PARD3B: variants seen among roughly 807,000 people sequenced by gnomAD.
PARD3B encodes the protein partitioning defective 3 homolog B.
Under a neutral mutation model 130.2 loss-of-function variants are expected in PARD3B, and 103 were observed. That is an observed-to-expected ratio of 0.79 (90% CI 0.67 to 0.93). The LOEUF is 0.93. Among genes scored for constraint, PARD3B ranks in the 40% least tolerant of loss-of-function variants. The pLI is 0.00. For synonymous variants in PARD3B, 583 were observed against 553.2 expected (o/e 1.05, Z -0.76); for missense variants, 1,609 against 1,499.2 (o/e 1.07, Z -1.21).
rs182869048 is a variant in PARD3B, at chr2:204,664,741, G to C, written c.121-21440G>C. On this transcript the variant is annotated intron_variant, in intron 1 of 22. Coordinates refer to ENST00000406610, the MANE Select transcript of PARD3B (RefSeq NM_001302769.2). This position sits in a 1 kb window ranked among gnomAD's most constrained non-coding sequence, Gnocchi z 5.2. Reference sequence around the variant, plus strand: ...CTATATTTCCTGATAATAGTTTTCTGTAAGCTATGTGAATGTCAGAGAGCA... The same window carrying C: ...CTATATTTCCTGATAATAGTTTTCTCTAAGCTATGTGAATGTCAGAGAGCA... 6.6e-6 allele frequency among the ~76,000 whole-genome samples: 1 copy of C among 152,146 alleles called. No individual in the cohort carries two copies.
At chr2:204,918,062 T>A (rs1249050957) in intron 2 of PARD3B, among the ~76,000 whole-genome samples, 1 of 152,216 alleles carries the variant, frequency 6.6e-6, no homozygotes, top group Non-Finnish European at 1.5e-5. Flanking sequence ...ATATTCTTAT[T>A]AAGTTTTGAT....
At chr2:205,415,799 A>G (rs1315419210) in intron 19 of PARD3B, among the ~76,000 whole-genome samples, 1 of 152,174 alleles carries the variant, frequency 6.6e-6, no homozygotes, top group Non-Finnish European at 1.5e-5. Context: ...TTAAGTTCTC[A>G]AAGATATACT....
At chr2:205,033,975 T>A (rs1338958198) in intron 3 of PARD3B, among the ~76,000 whole-genome samples, 1 of 152,188 alleles carries the variant, frequency 6.6e-6, no homozygotes, top group Non-Finnish European at 1.5e-5. Flanking sequence ...TACCATTAAG[T>A]TGCAAGGCTG....
At chr2:205,046,182 A>G (rs1698763035) in intron 3 of PARD3B, among the ~76,000 whole-genome samples, 1 of 152,012 alleles carries the variant, frequency 6.6e-6, no homozygotes, top group African/African-American at 2.4e-5. Context: ...ACAGAAAAAG[A>G]TACTGGTATG....
intron 2 of PARD3B, among the ~76,000 whole-genome samples, chr2:204,946,430 A>C (rs1214889966): frequency 6.7e-6 from 1 of 150,322 alleles, no homozygotes; most frequent in Non-Finnish European, 1.5e-5. Flanking sequence ...TTTCTGTTTT[A>C]AATATATGAA....
At chr2:205,326,038 G>A (rs1391565421) in intron 18 of PARD3B, among the ~76,000 whole-genome samples, 1 of 152,104 alleles carries the variant, frequency 6.6e-6, no homozygotes, top group Non-Finnish European at 1.5e-5. Context: ...ATTTGCATGT[G>A]AAGTATACTG....
rs1310609932 is a variant in PARD3B at position 205,187,206 on chromosome 2, T to C, written c.2024+1343T>C. Among the ~76,000 whole-genome samples the C allele has an allele frequency of 6.6e-6, 1 of 152,048 alleles. No individual in the cohort carries two copies. Among genetic ancestry groups the C allele is most frequent in the African/African-American group, 2.4e-5 (1 of 41,386 alleles). ...TGAACCCTAACTCATGAATAGCAGG[T>C]GGACATGAGATGAGCCCAGGAAGAA... On this transcript the variant is annotated intron_variant, in intron 14 of 22. Transcript: ENST00000406610. The surrounding 1 kb of genome is among the most constrained non-coding windows in gnomAD (Gnocchi z 4.9).
intron 1 of PARD3B, among the ~76,000 whole-genome samples, chr2:204,558,401 AACAG>A (rs1484207405): frequency 2.6e-5 from 4 of 152,218 alleles, no homozygotes; most frequent in Non-Finnish European, 5.9e-5. Context: ...ATACACCAAT[AACAG>A]ACAAACAGCC....
intron 2 of PARD3B, among the ~76,000 whole-genome samples, chr2:204,909,844 A>G (rs2047170765): frequency 1.3e-5 from 2 of 152,196 alleles, no homozygotes; most frequent in African/African-American, 4.8e-5. Context: ...AATTAATACA[A>G]TATTTCCTTT....
intron 2 of PARD3B, among the ~76,000 whole-genome samples, chr2:204,859,398 A>G (rs2045094076): frequency 6.6e-6 from 1 of 152,168 alleles, no homozygotes; most frequent in Non-Finnish European, 1.5e-5. Flanking sequence ...ATGGTCTACA[A>G]AGCTAAAAGA....
chr2:205,378,602 G>A (rs917356291), intron 18 of PARD3B, among the ~76,000 whole-genome samples: 2 of 151,624 alleles, frequency 1.3e-5, no homozygotes, highest in African/African-American at 4.9e-5. Flanking sequence ...CCCAGGGCTG[G>A]AAGTTAGCAG....
chr2:205,186,533 A>C (rs543202998), intron 14 of PARD3B, among the ~76,000 whole-genome samples: 1 of 152,206 alleles, frequency 6.6e-6, no homozygotes, highest in South Asian at 2.1e-4. Context: ...GAAACTGTGT[A>C]TTTTATTCCA....
chr2:205,370,584 A>T (rs2044774904), intron 18 of PARD3B, among the ~76,000 whole-genome samples: 1 of 152,128 alleles, frequency 6.6e-6, no homozygotes, highest in Admixed American at 6.5e-5. Flanking sequence ...GACCTTATGG[A>T]TCTACCAATT....
intron 2 of PARD3B, among the ~76,000 whole-genome samples, chr2:204,864,625 A>G (rs1050656610): frequency 2.6e-5 from 4 of 152,186 alleles, no homozygotes; most frequent in Admixed American, 2.0e-4. Context: ...TTTCTCCAAT[A>G]TAACAATGTT....
At chr2:204,594,715 A>C (rs2033213795) in intron 1 of PARD3B, among the ~76,000 whole-genome samples, 1 of 152,168 alleles carries the variant, frequency 6.6e-6, no homozygotes, top group South Asian at 2.1e-4. Context: ...TTCTCACTTC[A>C]TACCTCTATT....
intron 3 of PARD3B, among the ~76,000 whole-genome samples, chr2:205,026,415 G>T (rs930447003): frequency 2.0e-5 from 3 of 152,036 alleles, no homozygotes; most frequent in Non-Finnish European, 2.9e-5. Context: ...AATAAAAATT[G>T]TATAAATTAT....
intron 3 of PARD3B, among the ~76,000 whole-genome samples, chr2:205,036,022 G>C (rs904768235): frequency 2.1e-5 from 3 of 144,296 alleles, no homozygotes; most frequent in South Asian, 2.1e-4. Flanking sequence ...ATGTGGCTCA[G>C]AAACAATTCT....
intron 2 of PARD3B, among the ~76,000 whole-genome samples, chr2:204,893,099 T>C (rs2046509219): frequency 6.6e-6 from 1 of 151,916 alleles, no homozygotes; most frequent in African/African-American, 2.4e-5. Flanking sequence ...CAGAGAAAGG[T>C]TGGGAAAATG....
intron 2 of PARD3B, among the ~76,000 whole-genome samples, chr2:204,914,985 G>A (rs779035172): frequency 3.9e-5 from 6 of 152,130 alleles, no homozygotes; most frequent in Non-Finnish European, 8.8e-5. Flanking sequence ...TAACCAGAGA[G>A]ATTCCCACCT....
Sources: gnomAD v4.1 joint callset for allele counts (sites outside exome capture counted in the v4.1 genomes callset) on GRCh38, gnomAD v4.1.1 for gene constraint, Gnocchi (gnomAD v3.1) non-coding constraint, MANE v1.5 for transcripts, NCBI Gene and HGNC (gene_info 2026-07-23, HGNC 2026-07-21) for gene names.